The following SGCZ variants were observed in gnomAD, a reference collection of about 807,000 sequenced individuals.
SGCZ encodes the protein sarcoglycan zeta.
In SGCZ, 40 loss-of-function variants were observed where a neutral mutation model predicts 41.3. That is an observed-to-expected ratio of 0.97 (90% confidence interval 0.75 to 1.26). The LOEUF is 1.26. SGCZ is among the 50% of genes most tolerant of loss of function. The probability of loss-of-function intolerance (pLI) is 0.00; values close to 1 mark genes in which losing one functional copy is unlikely to be tolerated. For missense variants in SGCZ, 552 were observed against 369.8 expected, an observed-to-expected ratio of 1.49 and a Z score of -4.04; for synonymous variants, 206 against 137.5, an observed-to-expected ratio of 1.50 and a Z score of -3.49.
At chr8:14,371,621 G>T (rs1803911620) in intron 2 of SGCZ, among the ~76,000 whole-genome samples, 1 of 152,014 alleles carries the variant, frequency 6.6e-6, no homozygotes, top group Admixed American at 6.6e-5. Context: ...TCCTCTGAGA[G>T]TCTACTCATT....
chr8:14,734,967 G>C (rs1462658945), intron 1 of SGCZ, among the ~76,000 whole-genome samples: 1 of 152,138 alleles, frequency 6.6e-6, no homozygotes, highest in Non-Finnish European at 1.5e-5. Context: ...ATAATTGCTT[G>C]TTATCTATGT....
intron 1 of SGCZ, among the ~76,000 whole-genome samples, chr8:14,609,419 T>C (rs4831616): frequency 0.78 from 118,646 of 152,022 alleles, 46,700 homozygotes; most frequent in Non-Finnish European, 0.83. Flanking sequence ...TTTGAGATTC[T>C]TGAAAGGAAG....
At chr8:14,500,278 T>TG (rs1802112511) in intron 2 of SGCZ, among the ~76,000 whole-genome samples, 1 of 152,074 alleles carries the variant, frequency 6.6e-6, no homozygotes, top group Non-Finnish European at 1.5e-5. Flanking sequence ...CTGCTTTTGT[T>TG]GTTGTTGTTA....
At chr8:14,827,034 C>T (rs1464027411) in intron 1 of SGCZ, among the ~76,000 whole-genome samples, 5 of 151,774 alleles carry the variant, frequency 3.3e-5, no homozygotes, top group African/African-American at 9.7e-5. Flanking sequence ...AATGGTATTG[C>T]CTCGGTTTTC....
intron 2 of SGCZ, among the ~76,000 whole-genome samples, chr8:14,505,421 C>T (rs13270111): frequency 0.21 from 32,592 of 151,920 alleles, 3,690 homozygotes; most frequent in African/African-American, 0.29. Flanking sequence ...CAAATCCAAG[C>T]GCAGACAATC....
intron 5 of SGCZ, among the ~76,000 whole-genome samples, chr8:14,145,889 TAC>T (rs1215820056): frequency 5.3e-5 from 8 of 152,104 alleles, no homozygotes; most frequent in Admixed American, 2.6e-4. Flanking sequence ...TATTTGAAAA[TAC>T]ACAGTCAGAG....
At chr8:14,474,188 C>T (rs983991022) in intron 2 of SGCZ, among the ~76,000 whole-genome samples, 4 of 152,084 alleles carry the variant, frequency 2.6e-5, no homozygotes, top group Admixed American at 2.6e-4. Flanking sequence ...CCATTTTTTG[C>T]ACTCACAACT....
At chr8:14,115,833 T>G (rs1401736429) in intron 5 of SGCZ, among the ~76,000 whole-genome samples, 1 of 151,994 alleles carries the variant, frequency 6.6e-6, no homozygotes, top group Non-Finnish European at 1.5e-5. Flanking sequence ...TCCTTAATCC[T>G]ATCTTTTTTC....
intron 1 of SGCZ, among the ~76,000 whole-genome samples, chr8:14,624,561 T>TAC (rs869261156): frequency 3.1e-5 from 1 of 32,442 alleles, no homozygotes; most frequent in South Asian, 9.9e-4. Context: ...TATTATTTTT[T>TAC]TTTTTTTTTT....
intron 1 of SGCZ, among the ~76,000 whole-genome samples, chr8:14,714,799 T>G (rs1378354406): frequency 6.6e-6 from 1 of 152,156 alleles, no homozygotes; most frequent in Non-Finnish European, 1.5e-5. Flanking sequence ...TTTTTGTGCT[T>G]CTAGAAGGCA....
intron 2 of SGCZ, among the ~76,000 whole-genome samples, chr8:14,433,220 T>G (rs1415308340): frequency 6.6e-6 from 1 of 152,178 alleles, no homozygotes; most frequent in Non-Finnish European, 1.5e-5. Flanking sequence ...GCAAAAAAGT[T>G]GCAGCTGCCC....
intron 1 of SGCZ, among the ~76,000 whole-genome samples, chr8:15,153,952 T>C (rs965981158): frequency 2.0e-5 from 3 of 152,170 alleles, no homozygotes; most frequent in African/African-American, 7.2e-5. Context: ...ACCTCAGATC[T>C]TCAGGCATTA....
chr8:14,620,641 C>G (rs1308826990), intron 1 of SGCZ, among the ~76,000 whole-genome samples: 1 of 152,180 alleles, frequency 6.6e-6, no homozygotes, highest in Non-Finnish European at 1.5e-5. Context: ...TACGAACAGA[C>G]ACTTCTCAAA....
At chr8:15,208,919 AG>A (rs1214121573) in intron 1 of SGCZ, among the ~76,000 whole-genome samples, 1 of 151,620 alleles carries the variant, frequency 6.6e-6, no homozygotes, top group African/African-American at 2.4e-5. Flanking sequence ...AGAGAGAGAG[AG>A]AGAATTGTTC....
At chr8:14,333,924 C>G (rs1802422350) in intron 2 of SGCZ, among the ~76,000 whole-genome samples, 1 of 152,080 alleles carries the variant, frequency 6.6e-6, no homozygotes, top group Non-Finnish European at 1.5e-5. Context: ...TGTAAAGATT[C>G]AGTTGCGTCC....
chr8:14,583,537 T>C (rs1444611386), intron 1 of SGCZ, among the ~76,000 whole-genome samples: 1 of 152,096 alleles, frequency 6.6e-6, no homozygotes, highest in Non-Finnish European at 1.5e-5. Context: ...ATTTTGGCTT[T>C]TGTTGCCATT....
At position 14,566,476 on chromosome 8, in the gene SGCZ, G is replaced by C. The variant is rs73533193; in HGVS notation, c.40-11550C>G. ...CTCTCCACTGGCGGATCTCAGTAGA[G>C]ACCATACAAGAGACAATGGACCCAA... On this transcript the variant is annotated intron_variant, in intron 1 of 7. Coordinates refer to ENST00000382080, the MANE Select transcript of SGCZ (RefSeq NM_139167.4). Among the ~76,000 whole-genome samples, 1,231 of 152,276 alleles carry C rather than the reference G, an allele frequency of 8.1e-3. 11 individuals carry two copies. Among genetic ancestry groups the C allele is most frequent in the African/African-American group, 0.028 (1,177 of 41,564 alleles).
intron 1 of SGCZ, among the ~76,000 whole-genome samples, chr8:14,945,784 T>C (rs1800423526): frequency 6.6e-6 from 1 of 151,084 alleles, no homozygotes; most frequent in Non-Finnish European, 1.5e-5. Flanking sequence ...ATCAGAACCT[T>C]ATTGTCTCCA....
intron 1 of SGCZ, among the ~76,000 whole-genome samples, chr8:14,925,645 C>G (rs758214685): frequency 6.6e-6 from 1 of 152,156 alleles, no homozygotes; most frequent in Non-Finnish European, 1.5e-5. Flanking sequence ...TCTAACGAAT[C>G]CTTCAAGAAG....
Sources: allele counts gnomAD v4.1 joint callset (sites outside exome capture counted in the v4.1 genomes callset), GRCh38; gene constraint gnomAD v4.1.1; transcripts MANE v1.5; gene names NCBI Gene and HGNC (gene_info 2026-07-23, HGNC 2026-07-21).